EFCAB13: variants seen among roughly 807,000 people sequenced by gnomAD.
The protein encoded by EFCAB13 is EF-hand calcium binding domain 13.
Under a neutral mutation model 110.2 loss-of-function variants are expected in EFCAB13, and 91 were observed. That is an observed-to-expected ratio of 0.83 (90% CI 0.70 to 0.98). EFCAB13 has a LOEUF of 0.98. Among genes scored for constraint, EFCAB13 ranks in the 50% least tolerant of loss-of-function variants. The pLI, the probability that EFCAB13 is intolerant of heterozygous loss-of-function variation, is 0.00. For synonymous variants in EFCAB13, 323 were observed against 369.9 expected (o/e 0.87, Z 1.45); for missense variants, 968 against 1,119.4 (o/e 0.86, Z 1.93).
rs879806018 is a variant in EFCAB13, at chr17:47,384,772, CT to C, written c.1582+5532del. ...GACCTCTCTCTCTGGCTGCCCTTAA[CT>C]TTTTTTTTTTTTATTGAGAAGGAGT... On this transcript the variant is annotated intron_variant, in intron 14 of 24. Coordinates refer to ENST00000331493, the MANE Select transcript of EFCAB13 (RefSeq NM_152347.5). Among the ~76,000 whole-genome samples, 157 of 144,200 alleles carry C rather than the reference CT, an allele frequency of 1.1e-3. 1 individual carries two copies. The highest frequency in any genetic ancestry group is 4.6e-3 in the South Asian group (21 of 4,528). The allele number at this position is 144,200 out of a possible 152,430, so 94.6% of individuals were successfully genotyped here.
chr17:47,334,126 G>GT (rs139319285), intron 4 of EFCAB13, among the ~76,000 whole-genome samples: 19,374 of 148,308 alleles, frequency 0.13, 1,504 homozygotes, highest in East Asian at 0.35. Flanking sequence ...AAGTTTTATA[G>GT]TTTTTTTTTT....
chr17:47,356,178 AT>A (rs946948257), intron 9 of EFCAB13, among the ~76,000 whole-genome samples: 3 of 149,974 alleles, frequency 2.0e-5, no homozygotes, highest in Non-Finnish European at 4.4e-5. Flanking sequence ...CTTCTGAATT[AT>A]TTTTCTGGCA....
intron 10 of EFCAB13, among the ~76,000 whole-genome samples, chr17:47,368,431 A>C (rs1312814117): frequency 6.6e-6 from 1 of 152,218 alleles, no homozygotes. Flanking sequence ...GGTGGTAGAG[A>C]AAACAAACCC....
At chr17:47,425,721 C>CT (rs749774673) in intron 23 of EFCAB13, among the ~76,000 whole-genome samples, 1 of 152,128 alleles carries the variant, frequency 6.6e-6, no homozygotes, top group Admixed American at 6.5e-5. Context: ...TTGCATATCC[C>CT]TTTTTTCTGT....
chr17:47,428,798 G>A (rs1905044248), intron 23 of EFCAB13, among the ~76,000 whole-genome samples: 1 of 152,068 alleles, frequency 6.6e-6, no homozygotes, highest in Non-Finnish European at 1.5e-5. Context: ...AGAATTAGAT[G>A]ACATTTTTAC....
intron 12 of EFCAB13, 176 bp from the exon 13 acceptor site, chr17:47,377,590 A>G (rs1003557045): frequency 2.3e-6 from 1 of 435,028 alleles, no homozygotes; most frequent in Non-Finnish European, 4.0e-6. Context: ...GCTGTAAGAG[A>G]AAGATTAAAT....
At chr17:47,436,718 C>T (rs1905222020) in intron 24 of EFCAB13, among the ~76,000 whole-genome samples, 1 of 151,164 alleles carries the variant, frequency 6.6e-6, no homozygotes, top group Admixed American at 6.6e-5. Context: ...TTTTAAAGAA[C>T]CAGCTTTTTG....
chr17:47,384,921 C>G (rs930143085), intron 14 of EFCAB13, among the ~76,000 whole-genome samples: 1 of 152,148 alleles, frequency 6.6e-6, no homozygotes, highest in African/African-American at 2.4e-5. Context: ...AGGCGCCCAC[C>G]ACCACGCCTG....
chr17:47,341,897 G>T, intron 5 of EFCAB13, 24 bp from the exon 6 acceptor site: 1 of 1,287,232 alleles, frequency 7.8e-7, no homozygotes, highest in South Asian at 1.3e-5. Flanking sequence ...ATTCAAGAAT[G>T]ATTCCAATTT....
chr17:47,417,946 A>G (rs905730867), intron 23 of EFCAB13, among the ~76,000 whole-genome samples: 4 of 152,196 alleles, frequency 2.6e-5, no homozygotes, highest in African/African-American at 9.7e-5. Context: ...AGAGGCTGAT[A>G]TCATATTTGG....
At chr17:47,399,047 C>A (rs1031976011) in intron 17 of EFCAB13, among the ~76,000 whole-genome samples, 2 of 152,100 alleles carry the variant, frequency 1.3e-5, no homozygotes, top group African/African-American at 4.8e-5. Flanking sequence ...CTCAGCCTCC[C>A]AAGTAGCTGG....
At chr17:47,324,555 T>C (rs980239243) in intron 2 of EFCAB13, 32 bp downstream of exon 2, 1 of 152,096 alleles carries the variant, frequency 6.6e-6, no homozygotes, top group African/African-American at 2.4e-5. Flanking sequence ...TACACAAATA[T>C]GAAAACAGGG....
chr17:47,435,604 G>A (rs1297986392), intron 24 of EFCAB13, among the ~76,000 whole-genome samples: 1 of 151,954 alleles, frequency 6.6e-6, no homozygotes, highest in Non-Finnish European at 1.5e-5. Flanking sequence ...GGTCACTGTT[G>A]GTGTATAGAA....
intron 23 of EFCAB13, among the ~76,000 whole-genome samples, chr17:47,417,977 T>G (rs1035533746): frequency 1.3e-5 from 2 of 152,184 alleles, no homozygotes; most frequent in African/African-American, 4.8e-5. Context: ...ACCACTTCAA[T>G]GCCTTTGGTG....
rs541917122 is a variant in EFCAB13 at position 47,396,457 on chromosome 17, T to C, written c.1945+480T>C. 1.7e-3 allele frequency among the ~76,000 whole-genome samples: 256 copies of C among 151,978 alleles called. 1 individual carries two copies. Among genetic ancestry groups the C allele is most frequent in the Admixed American group, 2.9e-3 (44 of 15,268 alleles). On this transcript the variant is annotated intron_variant, in intron 17 of 24. Transcript: ENST00000331493. ...AAAATAAAAACAAAGTTCAAAAAAG[T>C]ATTGTATAACAAAGACTATAGACTA...
chr17:47,402,131 G>C lies in EFCAB13; in HGVS notation c.1946-1G>C, dbSNP rs750863087. 1.9e-6 allele frequency: 3 copies of C among 1,613,650 alleles called. No homozygotes were observed. Among genetic ancestry groups the C allele is most frequent in the Non-Finnish European group, 2.5e-6 (3 of 1,179,694 alleles). On this transcript the variant is annotated splice_acceptor_variant, in intron 17 of 24. Transcript: ENST00000331493. LOFTEE classifies it high-confidence loss of function. ...TCTATTAAAAGTGTTTTTTCTCACA[G>C]AAGGTGACAAAGTACAATTTGAAGA... is the stretch of plus-strand genomic sequence containing the variant.
chr17:47,344,638 C>T (rs994398508), intron 7 of EFCAB13, among the ~76,000 whole-genome samples: 1 of 152,040 alleles, frequency 6.6e-6, no homozygotes, highest in Non-Finnish European at 1.5e-5. Context: ...TCATCTTTTC[C>T]AGACATTTTT....
At chr17:47,332,583 C>T (rs763971582) in intron 4 of EFCAB13, among the ~76,000 whole-genome samples, 1 of 151,816 alleles carries the variant, frequency 6.6e-6, no homozygotes. Flanking sequence ...TCTCCACCCC[C>T]CAGCCTCTGA....
chr17:47,335,452 C>T lies in EFCAB13; in HGVS notation c.191+96C>T. On this transcript the variant is annotated intron_variant, in intron 5 of 24. Transcript: ENST00000331493. ...GTGGCTTATGCGTTCTCATAATGTA[C>T]CATGTGTATAGGATCATGCATATTT... The T allele has an allele frequency of 3.0e-6, 3 of 1,004,406 alleles. No homozygotes were observed. In the South Asian group the frequency reaches 5.0e-5, roughly 17 times the overall value. The allele number at this position is 1,004,406 out of a possible 1,614,324, so 62.2% of individuals were successfully genotyped here.
Sources: allele counts gnomAD v4.1 joint callset (sites outside exome capture counted in the v4.1 genomes callset), GRCh38; gene constraint gnomAD v4.1.1; transcripts MANE v1.5; gene names NCBI Gene and HGNC (gene_info 2026-07-23, HGNC 2026-07-21).